The following CA13 variants were observed in gnomAD, a reference collection of about 807,000 sequenced individuals.
CA13 encodes CA-XIII.
In CA13, 21 loss-of-function variants were observed where a neutral mutation model predicts 31.5. The observed-to-expected ratio is 0.67, with a 90% confidence interval of 0.47 to 0.96. The LOEUF (loss-of-function observed/expected upper bound fraction) is 0.96. Ranked by LOEUF, CA13 falls within the 40% of genes least tolerant of loss-of-function variation. The probability of loss-of-function intolerance (pLI) is 0.00; values close to 1 mark genes in which losing one functional copy is unlikely to be tolerated. For synonymous variants in CA13, 117 were observed against 111.4 expected (o/e 1.05, Z -0.32); for missense variants, 315 against 318.9 (o/e 0.99, Z 0.09).
At chr8:85,258,934 A>C (rs1470432291) in intron 2 of CA13, among the ~76,000 whole-genome samples, 1 of 152,030 alleles carries the variant, frequency 6.6e-6, no homozygotes, top group East Asian at 1.9e-4. Flanking sequence ...CTCAAGGAAA[A>C]AAAAAAAAGA....
At chr8:85,261,754 T>G (rs1807383614) in intron 3 of CA13, among the ~76,000 whole-genome samples, 1 of 152,180 alleles carries the variant, frequency 6.6e-6, no homozygotes, top group Non-Finnish European at 1.5e-5. Context: ...TGTTTGTTTG[T>G]TTTTAAATGA....
chr8:85,268,548 G>A lies in CA13; in HGVS notation c.590G>A (p.Gly197Asp), dbSNP rs1807486132. 1 of 1,613,792 alleles carries A rather than the reference G, an allele frequency of 6.2e-7. No individual in the cohort carries two copies. Among genetic ancestry groups the A allele is most frequent in the African/African-American group, 1.3e-5 (1 of 74,854 alleles). ...PPSWDYWTYP[G>D]SLTVPPLLES... ...TCCTGGGACTACTGGACATATCCTG[G>A]TTCTCTTACAGTTCCACCTCTTCTT... The change falls in exon 6 of 7, where the codon GGT becomes GAT. Residue 197 changes from glycine (G) to aspartate (D), a missense_variant. Transcript: ENST00000321764.
intron 3 of CA13, among the ~76,000 whole-genome samples, chr8:85,261,419 AC>A (rs1164557278): frequency 2.6e-5 from 4 of 152,108 alleles, no homozygotes; most frequent in African/African-American, 7.2e-5. Context: ...CTTTAAACAA[AC>A]AGTATTTTAT....
At chr8:85,247,801 C>T (rs926355247) in intron 1 of CA13, among the ~76,000 whole-genome samples, 1 of 152,120 alleles carries the variant, frequency 6.6e-6, no homozygotes, top group Non-Finnish European at 1.5e-5. Flanking sequence ...GAACTCCAGA[C>T]CTCAAGTGAT....
In CA13 at chr8:85,254,772, G is replaced by GTT. The variant is rs10658651; in HGVS notation, c.235+3850_235+3851dup. 2.2e-3 allele frequency among the ~76,000 whole-genome samples: 271 copies of GTT among 122,652 alleles called. 7 individuals are homozygous for GTT. Among genetic ancestry groups the GTT allele is most frequent in the African/African-American group, 4.1e-3 (136 of 32,918 alleles). 80.5% of individuals were successfully genotyped at this position (122,652 alleles called of 152,430 possible). A position where few individuals can be genotyped will look rare whatever the true frequency, so the allele number is the denominator to read the frequency against. On this transcript the variant is annotated intron_variant, in intron 2 of 6. Transcript: ENST00000321764. ...AGAAGAAACCACCATAGTTAAACAA[G>GTT]TTTTTTTTTTTTTTTTGGTTTTGTT...
At chr8:85,277,780 C>G (rs549814166) in intron 6 of CA13, among the ~76,000 whole-genome samples, 23 of 152,270 alleles carry the variant, frequency 1.5e-4, no homozygotes, top group Admixed American at 3.9e-4. Context: ...TTATAGTTCT[C>G]TGTAAACAGG....
chr8:85,249,079 A>G (rs562105447), intron 1 of CA13, among the ~76,000 whole-genome samples: 65 of 152,378 alleles, frequency 4.3e-4, no homozygotes, highest in African/African-American at 1.4e-3. Flanking sequence ...GTCAGATGAC[A>G]TCTTTTAAGC....
chr8:85,283,568 TA>T lies in CA13; in HGVS notation c.*2221del, dbSNP rs1807739093. ...TTTTTAAAGGAATACTAATTAATTG[TA>T]ACTTGTAAAACCAAAAGTTCTAATG... On this transcript the variant is annotated 3_prime_UTR_variant, in exon 7 of 7. Transcript: ENST00000321764. 6.5e-6 allele frequency: 1 copy of T among 152,692 alleles called. No homozygotes were observed. Among genetic ancestry groups the T allele is most frequent in the African/African-American group, 2.4e-5 (1 of 41,472 alleles). 9.5% of individuals were successfully genotyped at this position (152,692 alleles called of 1,614,324 possible).
Position 85,250,944 on chromosome 8 carries a change from T to C in CA13, c.235+7T>C, listed in dbSNP as rs1813816305. On this transcript the variant is annotated splice_region_variant and intron_variant, in intron 2 of 6. Coordinates refer to ENST00000321764, the MANE Select transcript of CA13 (RefSeq NM_198584.3). ...GACACAGAGAACAAATCAGGTTGGC[T>C]TTTCTTTTTTTGTGTGTGTGGTGGT... The C allele has an allele frequency of 6.2e-7, 1 of 1,611,444 alleles. No individual in the cohort carries two copies. The highest frequency in any genetic ancestry group is 1.1e-5 in the South Asian group (1 of 90,988).
At chr8:85,265,442 A>G (rs1807442468) in intron 3 of CA13, among the ~76,000 whole-genome samples, 1 of 152,214 alleles carries the variant, frequency 6.6e-6, no homozygotes, top group South Asian at 2.1e-4. Context: ...TTGCAATGGT[A>G]AAACATTTAG....
chr8:85,256,895 C>A (rs1807306178), intron 2 of CA13, among the ~76,000 whole-genome samples: 1 of 152,118 alleles, frequency 6.6e-6, no homozygotes, highest in Non-Finnish European at 1.5e-5. Context: ...TTCTGGCTTC[C>A]TAAATAATAC....
At chr8:85,250,352 A>G (rs576579261) in intron 1 of CA13, among the ~76,000 whole-genome samples, 10 of 152,358 alleles carry the variant, frequency 6.6e-5, no homozygotes, top group African/African-American at 9.6e-5. Flanking sequence ...GACTCTTCCA[A>G]TCTGCAAACT....
At chr8:85,246,323 TCTTAA>T (rs1433989266) in intron 1 of CA13, 1 of 455,640 alleles carries the variant, frequency 2.2e-6, no homozygotes, top group South Asian at 1.6e-5. Flanking sequence ...ATTTAGGAAA[TCTTAA>T]CTTGCATTGT....
chr8:85,257,097 C>T (rs908742354), intron 2 of CA13, among the ~76,000 whole-genome samples: 2 of 152,162 alleles, frequency 1.3e-5, no homozygotes, highest in Non-Finnish European at 2.9e-5. Flanking sequence ...TGATTATTCT[C>T]AGGTTCACTA....
At chr8:85,271,087 A>G (rs1807520288) in intron 6 of CA13, among the ~76,000 whole-genome samples, 1 of 152,244 alleles carries the variant, frequency 6.6e-6, no homozygotes, top group African/African-American at 2.4e-5. Context: ...AATTCAATTT[A>G]TTAAAATCTG....
At chr8:85,273,481 T>TC (rs1486595456) in intron 6 of CA13, among the ~76,000 whole-genome samples, 3 of 152,070 alleles carry the variant, frequency 2.0e-5, no homozygotes, top group African/African-American at 4.8e-5. Context: ...TGAAAGATTC[T>TC]CCCCGGGGCC....
At chr8:85,255,299 G>C (rs1033010549) in intron 2 of CA13, among the ~76,000 whole-genome samples, 8 of 149,148 alleles carry the variant, frequency 5.4e-5, no homozygotes, top group African/African-American at 1.7e-4. Context: ...ATCTCACTCT[G>C]TCACCCAGGC....
chr8:85,269,021 T>C (rs896271321), intron 6 of CA13, among the ~76,000 whole-genome samples: 1 of 152,214 alleles, frequency 6.6e-6, no homozygotes, highest in African/African-American at 2.4e-5. Context: ...AGGTGACATT[T>C]TTCTTTCTGA....
chr8:85,245,786 G>T lies in CA13; in HGVS notation c.-43G>T. ...CCCTCCCCGCTCCCTCCTCTTTCTCGCTGCTCAGTCACATCTTTCTCTTCC... is the reference window on the plus strand; with the variant it reads ...CCCTCCCCGCTCCCTCCTCTTTCTCTCTGCTCAGTCACATCTTTCTCTTCC... On this transcript the variant is annotated 5_prime_UTR_variant, in exon 1 of 7. Transcript: ENST00000321764. The T allele has an allele frequency of 6.2e-7, 1 of 1,610,452 alleles. No homozygotes were observed. Among genetic ancestry groups the T allele is most frequent in the Non-Finnish European group, 8.5e-7 (1 of 1,176,944 alleles).
Sources: gnomAD v4.1 joint callset for allele counts (sites outside exome capture counted in the v4.1 genomes callset) on GRCh38, gnomAD v4.1.1 for gene constraint, MANE v1.5 for transcripts, NCBI Gene and HGNC (gene_info 2026-07-23, HGNC 2026-07-21) for gene names.